NALF1: variants seen among roughly 807,000 people sequenced by gnomAD.
NALF1 encodes NALCN channel auxiliary factor 1.
NALF1 carries 3 observed loss-of-function variants against 48.4 expected under a neutral mutation model. The ratio of observed to expected loss-of-function variants is 0.06; its 90% CI spans 0.03 to 0.16. The LOEUF (loss-of-function observed/expected upper bound fraction) is 0.16, where lower values mean the gene tolerates loss of function less well. NALF1 is among the 10% of genes least tolerant of loss of function. The pLI is 1.00. For missense variants in NALF1, 526 were observed against 571.5 expected (o/e 0.92, Z 0.81); for synonymous variants, 262 against 245.7 (o/e 1.07, Z -0.62).
intron 1 of NALF1, among the ~76,000 whole-genome samples, chr13:107,675,340 G>A (rs1220294783): frequency 6.6e-6 from 1 of 152,090 alleles, no homozygotes; most frequent in Non-Finnish European, 1.5e-5. Flanking sequence ...CTGTACCTGC[G>A]CATAGATGGC....
At chr13:107,859,079 C>T (rs957973260) in intron 1 of NALF1, among the ~76,000 whole-genome samples, 14 of 152,064 alleles carry the variant, frequency 9.2e-5, no homozygotes, top group East Asian at 5.8e-4. Flanking sequence ...GAGTTCCCCA[C>T]GGTACACAGG....
intron 1 of NALF1, among the ~76,000 whole-genome samples, chr13:107,642,329 T>C (rs1245362676): frequency 1.3e-5 from 2 of 152,180 alleles, no homozygotes; most frequent in African/African-American, 4.8e-5. Flanking sequence ...TAAGAATATA[T>C]CTGAATTGAA....
At chr13:107,254,612 T>C (rs541675962) in intron 1 of NALF1, among the ~76,000 whole-genome samples, 1 of 152,282 alleles carries the variant, frequency 6.6e-6, no homozygotes, top group South Asian at 2.1e-4. Context: ...AAATATTTGG[T>C]ATCTGCCCAC....
chr13:107,305,726 T>C (rs548494343), intron 1 of NALF1, among the ~76,000 whole-genome samples: 2 of 152,328 alleles, frequency 1.3e-5, no homozygotes, highest in South Asian at 2.1e-4. Flanking sequence ...AGACTTTACA[T>C]TGAGCAAAAG....
intron 1 of NALF1, among the ~76,000 whole-genome samples, chr13:107,266,143 G>A (rs1268095258): frequency 6.6e-6 from 1 of 152,180 alleles, no homozygotes; most frequent in Non-Finnish European, 1.5e-5. Flanking sequence ...GCATAAGCGA[G>A]CTGAAAAGGT....
At chr13:107,656,400 T>C (rs1319389098) in intron 1 of NALF1, among the ~76,000 whole-genome samples, 5 of 151,810 alleles carry the variant, frequency 3.3e-5, no homozygotes, top group Non-Finnish European at 5.9e-5. Flanking sequence ...AACAAACATA[T>C]GGAAAAATGC....
chr13:107,543,489 T>C (rs976866237), intron 1 of NALF1, among the ~76,000 whole-genome samples: 1 of 152,050 alleles, frequency 6.6e-6, no homozygotes, highest in East Asian at 1.9e-4. Flanking sequence ...ATTAGATATC[T>C]TCCTAGAAAA....
chr13:107,326,122 A>G (rs1214389259), intron 1 of NALF1, among the ~76,000 whole-genome samples: 1 of 151,766 alleles, frequency 6.6e-6, no homozygotes, highest in Non-Finnish European at 1.5e-5. Context: ...GGTAGTGAAA[A>G]CAATTTTGAA....
At chr13:107,392,566 C>T (rs1274277467) in intron 1 of NALF1, among the ~76,000 whole-genome samples, 2 of 152,126 alleles carry the variant, frequency 1.3e-5, no homozygotes, top group Non-Finnish European at 2.9e-5. Flanking sequence ...ACACCAAGGT[C>T]TCTCTCTGTC....
chr13:107,680,729 A>C (rs1272953605), intron 1 of NALF1, among the ~76,000 whole-genome samples: 1 of 103,978 alleles, frequency 9.6e-6, no homozygotes, highest in Non-Finnish European at 2.0e-5. Context: ...GTGAGAGTGT[A>C]TGAGTGTGAA....
At chr13:107,309,172 T>G (rs1881997528) in intron 1 of NALF1, among the ~76,000 whole-genome samples, 1 of 152,124 alleles carries the variant, frequency 6.6e-6, no homozygotes, top group Non-Finnish European at 1.5e-5. Flanking sequence ...TTGTAGGCCC[T>G]CAAAAAATGT....
intron 1 of NALF1, among the ~76,000 whole-genome samples, chr13:107,475,219 A>C (rs1045417227): frequency 4.6e-5 from 7 of 152,202 alleles, no homozygotes; most frequent in East Asian, 1.9e-4. Flanking sequence ...TTCATTGAAC[A>C]CATGTGGAAA....
At chr13:107,704,412 T>C (rs1881897909) in intron 1 of NALF1, among the ~76,000 whole-genome samples, 2 of 152,318 alleles carry the variant, frequency 1.3e-5, no homozygotes, top group Admixed American at 1.3e-4. Flanking sequence ...CCAATGTCTA[T>C]CTCTTTGAAT....
intron 1 of NALF1, among the ~76,000 whole-genome samples, chr13:107,774,935 A>T (rs2138573167): frequency 6.6e-6 from 1 of 152,274 alleles, no homozygotes; most frequent in Middle Eastern, 3.4e-3. Context: ...ATCATACTAC[A>T]GTTATAGATG....
At chr13:107,305,824 G>C (rs970980702) in intron 1 of NALF1, among the ~76,000 whole-genome samples, 1 of 152,168 alleles carries the variant, frequency 6.6e-6, no homozygotes, top group Admixed American at 6.5e-5. Context: ...AGAAACATAA[G>C]AGCAGTGGCT....
intron 1 of NALF1, among the ~76,000 whole-genome samples, chr13:107,415,617 T>C (rs912453730): frequency 1.3e-5 from 2 of 152,222 alleles, no homozygotes; most frequent in African/African-American, 4.8e-5. Context: ...AGAATAATTA[T>C]TGCTGCCACA....
intron 1 of NALF1, among the ~76,000 whole-genome samples, chr13:107,603,107 C>T (rs1878976290): frequency 6.6e-6 from 1 of 152,016 alleles, no homozygotes; most frequent in Admixed American, 6.6e-5. Context: ...TTTTATAAAG[C>T]AATGCTAAAA....
chr13:107,786,947 G>T (rs576357118), intron 1 of NALF1, among the ~76,000 whole-genome samples: 1 of 152,124 alleles, frequency 6.6e-6, no homozygotes, highest in Non-Finnish European at 1.5e-5. Flanking sequence ...GACAATGGAC[G>T]CCTGAGATAT....
chr13:107,628,816 G>A (rs536398882), intron 1 of NALF1, among the ~76,000 whole-genome samples: 1 of 152,230 alleles, frequency 6.6e-6, no homozygotes. Flanking sequence ...ATGGCATCTA[G>A]ACATCAGAGT....
Sources: gnomAD v4.1 joint callset for allele counts (sites outside exome capture counted in the v4.1 genomes callset) on GRCh38, gnomAD v4.1.1 for gene constraint, MANE v1.5 for transcripts, NCBI Gene and HGNC (gene_info 2026-07-23, HGNC 2026-07-21) for gene names.